CTNNA2: variants seen among roughly 807,000 people sequenced by gnomAD.
CTNNA2 encodes catenin alpha-2.
In CTNNA2, 42 loss-of-function variants were observed where a neutral mutation model predicts 101.0. The observed-to-expected ratio is 0.42, with a 90% CI of 0.32 to 0.54. CTNNA2 has a LOEUF of 0.54. Among genes scored for constraint, CTNNA2 ranks in the 20% least tolerant of loss-of-function variants. The probability of loss-of-function intolerance (pLI) is 0.14; values close to 1 mark genes in which losing one functional copy is unlikely to be tolerated. For synonymous variants in CTNNA2, 450 were observed against 456.4 expected (o/e 0.99, Z 0.18); for missense variants, 871 against 1,223.1 (o/e 0.71, Z 4.29).
chr2:80,596,381 C>T (rs1395795874), intron 15 of CTNNA2, among the ~76,000 whole-genome samples: 9 of 134,844 alleles, frequency 6.7e-5, no homozygotes, highest in Non-Finnish European at 1.5e-5. Flanking sequence ...GTGATCTCGG[C>T]TCACTGCAAG....
intron 9 of CTNNA2, among the ~76,000 whole-genome samples, chr2:80,530,619 GTCATAT>G (rs769370547): frequency 1.4e-4 from 22 of 152,190 alleles, no homozygotes; most frequent in Non-Finnish European, 2.8e-4. Context: ...AGAGTATGAA[GTCATAT>G]AAAGAAAGCA....
chr2:80,640,032 G>T (rs1673295484), intron 18 of CTNNA2, among the ~76,000 whole-genome samples: 1 of 152,016 alleles, frequency 6.6e-6, no homozygotes, highest in Admixed American at 6.5e-5. Flanking sequence ...AACCCGGTAG[G>T]CGGAGGTTGC....
intron 18 of CTNNA2, among the ~76,000 whole-genome samples, chr2:80,640,113 AAAAC>A (rs977925320): frequency 4.6e-5 from 7 of 152,150 alleles, no homozygotes; most frequent in Non-Finnish European, 7.3e-5. Context: ...AAAAAACAAA[AAAAC>A]AAAAAAGTCA....
intron 3 of CTNNA2, among the ~76,000 whole-genome samples, chr2:79,802,028 AAG>A (rs1383780278): frequency 2.6e-4 from 39 of 151,562 alleles, no homozygotes; most frequent in African/African-American, 9.0e-4. Flanking sequence ...AAAAGAAAGA[AAG>A]AAAAAAAGCT....
chr2:80,571,366 A>G (rs1388660600), intron 12 of CTNNA2, among the ~76,000 whole-genome samples: 6 of 152,048 alleles, frequency 3.9e-5, no homozygotes, highest in Non-Finnish European at 5.9e-5. Flanking sequence ...ATAGAACTTT[A>G]TTTTTTCAGA....
intron 16 of CTNNA2, among the ~76,000 whole-genome samples, chr2:80,607,221 C>A (rs551213236): frequency 1.3e-5 from 2 of 151,882 alleles, no homozygotes; most frequent in East Asian, 3.9e-4. Flanking sequence ...GTACTTATTT[C>A]TTATAGTATT....
At chr2:79,340,671 A>G (rs1249583843) in intron 3 of CTNNA2, among the ~76,000 whole-genome samples, 1 of 151,944 alleles carries the variant, frequency 6.6e-6, no homozygotes, top group African/African-American at 2.4e-5. Flanking sequence ...GTCTCTACTA[A>G]AAATACAAAA....
intron 9 of CTNNA2, among the ~76,000 whole-genome samples, chr2:80,465,538 G>A (rs1380522288): frequency 6.6e-6 from 1 of 152,210 alleles, no homozygotes; most frequent in Admixed American, 6.5e-5. Flanking sequence ...AGGCCACAGA[G>A]GGTTTCTTCC....
At position 79,188,765 on chromosome 2, in the gene CTNNA2, C is replaced by A. The variant is rs79663178; in HGVS notation, c.-524+3334C>A. ...ACAAATATGAGGATAGAGGAAGCTC[C>A]TTTGAAGGGGTTAGACTGGAGAGTT... On this transcript the variant is annotated intron_variant, in intron 1 of 21. Coordinates refer to the CTNNA2 transcript ENST00000466387. 3.2e-3 allele frequency among the ~76,000 whole-genome samples: 485 copies of A among 152,222 alleles called. 3 individuals carry two copies. Among genetic ancestry groups the A allele is most frequent in the Middle Eastern group, 0.014 (4 of 294 alleles).
intron 7 of CTNNA2, among the ~76,000 whole-genome samples, chr2:80,062,940 C>G (rs1013954889): frequency 2.0e-5 from 3 of 152,070 alleles, no homozygotes; most frequent in African/African-American, 2.4e-5. Context: ...CTCCTGACCT[C>G]GTGATCCACC....
intron 5 of CTNNA2, among the ~76,000 whole-genome samples, chr2:79,870,989 C>T (rs1682544546): frequency 6.6e-6 from 1 of 151,938 alleles, no homozygotes. Flanking sequence ...TCAGCTAACT[C>T]TGTTTGCTCA....
chr2:79,994,836 T>A (rs948500345), intron 7 of CTNNA2, among the ~76,000 whole-genome samples: 1 of 152,166 alleles, frequency 6.6e-6, no homozygotes, highest in Non-Finnish European at 1.5e-5. Flanking sequence ...TTTCAGGAGA[T>A]ATCACCCTGA....
At chr2:79,708,550 A>G (rs1685533658) in intron 2 of CTNNA2, among the ~76,000 whole-genome samples, 1 of 152,226 alleles carries the variant, frequency 6.6e-6, no homozygotes, top group Non-Finnish European at 1.5e-5. Context: ...AAAAATTTAA[A>G]AAACTACGAA....
intron 6 of CTNNA2, among the ~76,000 whole-genome samples, chr2:79,907,476 A>G (rs1180958505): frequency 1.3e-5 from 2 of 152,246 alleles, no homozygotes; most frequent in Non-Finnish European, 2.9e-5. Flanking sequence ...TGCAGACACA[A>G]CACTAGTACG....
intron 1 of CTNNA2, among the ~76,000 whole-genome samples, chr2:79,648,452 A>AT (rs1429974393): frequency 2.0e-5 from 3 of 152,020 alleles, no homozygotes; most frequent in African/African-American, 7.3e-5. Context: ...TGGCCAAGGG[A>AT]TTTTTTAAGG....
chr2:80,277,101 A>C (rs1002405905), intron 7 of CTNNA2, among the ~76,000 whole-genome samples: 1 of 152,198 alleles, frequency 6.6e-6, no homozygotes, highest in Non-Finnish European at 1.5e-5. Flanking sequence ...AGAAAAAGCT[A>C]AATTTAAGAT....
At chr2:79,870,452 CA>C (rs1574183997) in intron 5 of CTNNA2, among the ~76,000 whole-genome samples, 3 of 118,194 alleles carry the variant, frequency 2.5e-5, no homozygotes, top group Non-Finnish European at 3.5e-5. Flanking sequence ...GGAGAGAGAA[CA>C]GGGGGAAAAG....
chr2:80,522,333 G>A (rs1353514480), intron 9 of CTNNA2, among the ~76,000 whole-genome samples: 1 of 152,152 alleles, frequency 6.6e-6, no homozygotes, highest in Admixed American at 6.5e-5. Context: ...ATGTGTTTGA[G>A]CAATAAAGTT....
At chr2:79,240,148 C>T (rs530790065) in intron 2 of CTNNA2, among the ~76,000 whole-genome samples, 5 of 151,472 alleles carry the variant, frequency 3.3e-5, no homozygotes, top group African/African-American at 9.7e-5. Context: ...CCTCAAGTGA[C>T]CCACCCACCT....
Sources: gnomAD v4.1 joint callset for allele counts (sites outside exome capture counted in the v4.1 genomes callset) on GRCh38, gnomAD v4.1.1 for gene constraint, MANE v1.5 for transcripts, NCBI Gene and HGNC (gene_info 2026-07-23, HGNC 2026-07-21) for gene names.